HSPG2: variants seen among roughly 807,000 people sequenced by gnomAD.
The protein encoded by HSPG2 is heparan sulfate proteoglycan 2.
HSPG2 carries 278 observed loss-of-function variants against 526.6 expected under a neutral mutation model. That is an observed-to-expected ratio of 0.53 (90% CI 0.48 to 0.58). HSPG2 has a LOEUF of 0.58. Ranked by LOEUF, HSPG2 falls within the 20% of genes least tolerant of loss-of-function variation. HSPG2 has a pLI of 0.00. For synonymous variants in HSPG2, 2,465 were observed against 2,555.4 expected (o/e 0.96, Z 1.07); for missense variants, 5,354 against 6,099.5 (o/e 0.88, Z 4.07).
chr1:21,895,800 C>T lies in HSPG2; in HGVS notation c.244+122G>A. 1 of 888,422 alleles carries T rather than the reference C, an allele frequency of 1.1e-6. No homozygotes were observed. Among genetic ancestry groups the T allele is most frequent in the Non-Finnish European group, 1.9e-6 (1 of 534,158 alleles). The allele number at this position is 888,422 out of a possible 1,614,324, so 55.0% of individuals were successfully genotyped here. A position where few individuals can be genotyped will look rare whatever the true frequency, so the allele number is the denominator to read the frequency against. On this transcript the variant is annotated intron_variant, in intron 3 of 96. Coordinates refer to ENST00000374695, the MANE Select transcript of HSPG2 (RefSeq NM_005529.7). The surrounding 1 kb of genome is among the most constrained non-coding windows in gnomAD (Gnocchi z 4.1). ...TGTCACTCAGCAGGTTAAGAGATCA[C>T]ACCCACTTCTTCTTGCTTTGTACCC... is the stretch of plus-strand genomic sequence containing the variant.
At chr1:21,903,216 G>C (rs1014994110) in intron 1 of HSPG2, among the ~76,000 whole-genome samples, 1 of 152,168 alleles carries the variant, frequency 6.6e-6, no homozygotes, top group Non-Finnish European at 1.5e-5. Context: ...GGGAAAGAGG[G>C]GACTAGGTCA....
intron 1 of HSPG2, among the ~76,000 whole-genome samples, chr1:21,926,590 T>C (rs189601958): frequency 3.2e-4 from 48 of 151,846 alleles, no homozygotes; most frequent in Non-Finnish European, 3.1e-4. Flanking sequence ...CTGTCTCTAC[T>C]AAAAATACAA....
At chr1:21,863,230 G>A (rs1639964963) in intron 37 of HSPG2, among the ~76,000 whole-genome samples, 1 of 142,342 alleles carries the variant, frequency 7.0e-6, no homozygotes, top group Admixed American at 7.2e-5. Flanking sequence ...AAAATTAGCC[G>A]GGTGTGGTAG....
At chr1:21,881,528 G>A in intron 13 of HSPG2, 26 bp from the exon 14 acceptor site, 1 of 1,603,250 alleles carries the variant, frequency 6.2e-7, no homozygotes. Context: ...GGGAGGCTGA[G>A]GGCTGCAGCC....
intron 62 of HSPG2, 84 bp from the exon 63 acceptor site, chr1:21,846,683 C>T (rs1431633070): frequency 6.7e-7 from 1 of 1,482,830 alleles, no homozygotes; most frequent in African/African-American, 1.4e-5. Context: ...CATAGAAAAT[C>T]TCACCCCCCA....
At chr1:21,903,661 G>C (rs552850380) in intron 1 of HSPG2, among the ~76,000 whole-genome samples, 1 of 152,142 alleles carries the variant, frequency 6.6e-6, no homozygotes, top group African/African-American at 2.4e-5. Context: ...AAAGGTCCCC[G>C]CTTTGCCTCC....
chr1:21,932,460 TCA>T (rs1644373051), intron 1 of HSPG2, among the ~76,000 whole-genome samples: 1 of 152,194 alleles, frequency 6.6e-6, no homozygotes, highest in African/African-American at 2.4e-5. Flanking sequence ...ACAAAGATAT[TCA>T]CTAAGCACTT....
At chr1:21,878,851 C>T in intron 18 of HSPG2, 143 bp downstream of exon 18, 1 of 1,239,366 alleles carries the variant, frequency 8.1e-7, no homozygotes, top group Non-Finnish European at 1.1e-6. Flanking sequence ...GAAACAGAGG[C>T]CTAGAGAGGT....
chr1:21,927,948 T>C (rs1644249298), intron 1 of HSPG2, among the ~76,000 whole-genome samples: 1 of 152,324 alleles, frequency 6.6e-6, no homozygotes, highest in East Asian at 1.9e-4. Flanking sequence ...GAACCCTGCC[T>C]CAGATATTCC....
chr1:21,846,116 T>A lies in HSPG2; in HGVS notation c.8456A>T (p.His2819Leu). 6.2e-7 allele frequency: 1 copy of A among 1,612,672 alleles called. No individual in the cohort carries two copies. The highest frequency in any genetic ancestry group is 8.5e-7 in the Non-Finnish European group (1 of 1,180,030). The change falls in exon 64 of 97, where the codon CAC (histidine) becomes CTC (leucine). Residue 2819 changes from histidine (H) to leucine (L), a missense_variant. His to Leu is a moderately conservative substitution (Grantham distance 99, BLOSUM62 -3). Coordinates refer to ENST00000374695, the MANE Select transcript of HSPG2 (RefSeq NM_005529.7). ...ACTGCAGGGACCCTCACCGGGGACG[T>A]GGACAGCACTTGAGCCAGAGGCTTC... The part of the protein sequence containing the change: ...TIEASGSSAV[H>L]VPAPGGAPPI...
chr1:21,872,544 G>C lies in HSPG2; in HGVS notation c.4029+76C>G. On this transcript the variant is annotated intron_variant, in intron 32 of 96. Coordinates refer to ENST00000374695, the MANE Select transcript of HSPG2 (RefSeq NM_005529.7). The surrounding 1 kb of genome is among the most constrained non-coding windows in gnomAD (Gnocchi z 5.5). ...TACTGAGGCGGGGATGAGGGTCGCT[G>C]GGCTCAGTGCTCAGATGGACAGTAA... The C allele has an allele frequency of 6.6e-7, 1 of 1,525,330 alleles. No homozygotes were observed. Among genetic ancestry groups the C allele is most frequent in the Non-Finnish European group, 8.9e-7 (1 of 1,124,652 alleles). 94.5% of individuals were successfully genotyped at this position (1,525,330 alleles called of 1,614,324 possible).
At chr1:21,833,704 A>G in intron 78 of HSPG2, 90 bp from the exon 79 acceptor site, 1 of 1,584,734 alleles carries the variant, frequency 6.3e-7, no homozygotes, top group East Asian at 2.3e-5. Flanking sequence ...ACCTTCCAAC[A>G]TTGAGCGTTT....
intron 33 of HSPG2, among the ~76,000 whole-genome samples, chr1:21,871,861 C>T (rs1444871083): frequency 1.3e-5 from 2 of 152,192 alleles, no homozygotes; most frequent in African/African-American, 2.4e-5. Context: ...CTGTGTCTCA[C>T]TTGTCTTTAT....
chr1:21,875,932 G>C lies in HSPG2; in HGVS notation c.3114C>G (p.Ile1038Met). Reference sequence around the variant, plus strand: ...GCTCCTGGGCCACATGGTGCTCTAGGATGATGTTGTTACCTTGCAGCACCA... The same window carrying C: ...GCTCCTGGGCCACATGGTGCTCTAGCATGATGTTGTTACCTTGCAGCACCA... ...PLVVLQGNNI[I>M]LEHHVAQEPS... is the part of the protein sequence containing the mutation. The change falls in exon 24 of 97, where the codon ATC (isoleucine) becomes ATG (methionine). Residue 1038 changes from isoleucine (I) to methionine (M), a missense_variant. Ile to Met is a conservative substitution (Grantham distance 10). Coordinates refer to ENST00000374695, the MANE Select transcript of HSPG2 (RefSeq NM_005529.7). 1.2e-6 allele frequency: 2 copies of C among 1,614,220 alleles called. No individual in the cohort carries two copies. The highest frequency in any genetic ancestry group is 1.7e-6 in the Non-Finnish European group (2 of 1,180,044).
Position 21,862,038 on chromosome 1 carries a change from C to T in HSPG2, c.4818G>A (p.Thr1606=), listed in dbSNP as rs773614903. 1.1e-5 allele frequency: 18 copies of T among 1,614,066 alleles called. No individual in the cohort carries two copies. The highest frequency in any genetic ancestry group is 8.8e-5 in the South Asian group (8 of 91,080). The change falls in exon 38 of 97, where the codon ACG becomes ACA. Residue 1606 remains threonine, a synonymous_variant. Transcript: ENST00000374695. ...PGYYGDATAG[T]PEDCQPCACP... Reference sequence around the variant, plus strand: ...AGGCACAGGGCTGGCAGTCCTCAGGCGTCCCGGCTGTGGCATCTCCGTAGT... The same window carrying T: ...AGGCACAGGGCTGGCAGTCCTCAGGTGTCCCGGCTGTGGCATCTCCGTAGT...
Position 21,858,411 on chromosome 1 carries a change from CCTGTCCTCGGGCCACACTCTCCCT to C in HSPG2, c.5294-1050_5294-1027del, listed in dbSNP as rs1233171016. 6.6e-6 allele frequency among the ~76,000 whole-genome samples: 1 copy of C among 152,174 alleles called. No homozygotes were observed. Among genetic ancestry groups the C allele is most frequent in the Non-Finnish European group, 1.5e-5 (1 of 68,028 alleles). ...GCTCCTCAGGACTCTGGGCTGGGGC[CCTGTCCTCGGGCCACACTCTCCCT>C]AGGTGACTTCATCCTGTCCCATAGC... On this transcript the variant is annotated intron_variant, in intron 42 of 96. Coordinates refer to ENST00000374695, the MANE Select transcript of HSPG2 (RefSeq NM_005529.7). The surrounding 1 kb of genome is among the most constrained non-coding windows in gnomAD (Gnocchi z 4.2).
intron 1 of HSPG2, among the ~76,000 whole-genome samples, chr1:21,923,361 A>G (rs1644097529): frequency 2.0e-5 from 3 of 152,074 alleles, no homozygotes; most frequent in South Asian, 2.1e-4. Flanking sequence ...AGCCGAGATC[A>G]TGCCATTGCA....
chr1:21,849,100 C>A, intron 57 of HSPG2, 69 bp from the exon 58 acceptor site: 1 of 1,565,402 alleles, frequency 6.4e-7, no homozygotes. Flanking sequence ...GCTCCTGTTC[C>A]CTTCCCTGGT....
intron 55 of HSPG2, among the ~76,000 whole-genome samples, chr1:21,850,842 T>C (rs1448277406): frequency 6.6e-6 from 1 of 152,236 alleles, no homozygotes; most frequent in Non-Finnish European, 1.5e-5. Flanking sequence ...GTATCCTAAA[T>C]TCTACAAAAT....
Sources: gnomAD v4.1 joint callset for allele counts (sites outside exome capture counted in the v4.1 genomes callset) on GRCh38, gnomAD v4.1.1 for gene constraint, Gnocchi (gnomAD v3.1) non-coding constraint, MANE v1.5 for transcripts, NCBI Gene and HGNC (gene_info 2026-07-23, HGNC 2026-07-21) for gene names.